Variants in ZNF451 observed in about 807,000 individuals in gnomAD.
ZNF451 encodes the protein E3 SUMO-protein ligase ZNF451.
Under a neutral mutation model 107.1 loss-of-function variants are expected in ZNF451, and 80 were observed. That is an observed-to-expected ratio of 0.75 (90% CI 0.62 to 0.90). The LOEUF (loss-of-function observed/expected upper bound fraction) is 0.90, where lower values mean the gene tolerates loss of function less well. Among genes scored for constraint, ZNF451 ranks in the 40% least tolerant of loss-of-function variants. The pLI, the probability that ZNF451 is intolerant of heterozygous loss-of-function variation, is 0.00. For synonymous variants in ZNF451, 362 were observed against 406.5 expected (o/e 0.89, Z 1.32); for missense variants, 1,107 against 1,236.2 (o/e 0.90, Z 1.57).
At chr6:57,158,786 T>C (rs1013676529) in intron 13 of ZNF451, 1 of 985,378 alleles carries the variant, frequency 1.0e-6, no homozygotes, top group African/African-American at 1.7e-5. Context: ...GTATGCTCCT[T>C]AGATGGTCTT....
intron 9 of ZNF451, among the ~76,000 whole-genome samples, chr6:57,145,927 A>C (rs1178995753): frequency 1.3e-5 from 2 of 152,194 alleles, no homozygotes; most frequent in African/African-American, 2.4e-5. Context: ...ACAGTGTATA[A>C]GTGTTCCCTT....
chr6:57,101,131 T>C, intron 3 of ZNF451: 1 of 1,550,738 alleles, frequency 6.4e-7, no homozygotes, highest in Non-Finnish European at 8.7e-7. Flanking sequence ...AGAAACTGAT[T>C]ACAAATCACC....
At position 57,147,224 on chromosome 6, in the gene ZNF451, A is replaced by T; in HGVS notation, c.1139A>T (p.His380Leu). 1 of 1,614,108 alleles carries T rather than the reference A, an allele frequency of 6.2e-7. No homozygotes were observed. Among genetic ancestry groups the T allele is most frequent in the Non-Finnish European group, 8.5e-7 (1 of 1,179,972 alleles). The change falls in exon 10 of 15, where the codon CAT becomes CTT. Residue 380 changes from histidine (H) to leucine (L), a missense_variant. Physicochemically the swap from His to Leu is moderately conservative, Grantham distance 99 (BLOSUM62 -3). This residue lies in a region of ZNF451 where 608 missense variants were observed against 649.2 expected (regional missense o/e 0.94). Coordinates refer to ENST00000370706, the MANE Select transcript of ZNF451 (RefSeq NM_001031623.3). Reference sequence around the variant, plus strand: ...GTGGATGAAACCAGCACCCAAAATCATAAGCAGAATTCAGGACACAAAGTC... The same window carrying T: ...GTGGATGAAACCAGCACCCAAAATCTTAAGCAGAATTCAGGACACAAAGTC... ...VFVDETSTQN[H>L]KQNSGHKVRV...
chr6:57,126,931 G>T (rs1238769291), intron 4 of ZNF451, among the ~76,000 whole-genome samples: 1 of 152,094 alleles, frequency 6.6e-6, no homozygotes, highest in Non-Finnish European at 1.5e-5. Flanking sequence ...ATTGGAAATT[G>T]TTAAAATAAG....
chr6:57,148,873 T>G (rs985116934), intron 10 of ZNF451, among the ~76,000 whole-genome samples, 180 bp downstream of exon 10: 12 of 152,192 alleles, frequency 7.9e-5, no homozygotes, highest in Admixed American at 3.9e-4. Context: ...TTTCTAAACT[T>G]ACGAGGACAG....
chr6:57,162,536 C>G (rs542543564), intron 14 of ZNF451, among the ~76,000 whole-genome samples: 100 of 152,284 alleles, frequency 6.6e-4, no homozygotes, highest in African/African-American at 2.4e-3. Context: ...TAGCTCAACG[C>G]TTAGCAGCCA....
intron 2 of ZNF451, among the ~76,000 whole-genome samples, chr6:57,092,316 T>G (rs1354210429): frequency 6.6e-6 from 1 of 152,208 alleles, no homozygotes. Flanking sequence ...TCACCTTTGG[T>G]TTAAAGGAGT....
rs1048159963 is a variant in ZNF451 at position 57,164,230 on chromosome 6, T to C, written c.3139+3078T>C. ...AAAAGTACAGTCTTTGGATTCATAC[T>C]GCCTAAGTTAAAACTCTGCTGCTTA... is the stretch of plus-strand genomic sequence containing the variant. On this transcript the variant is annotated intron_variant, in intron 14 of 14. Transcript: ENST00000370706. Among the ~76,000 whole-genome samples the C allele has an allele frequency of 3.9e-5, 6 of 152,372 alleles. No homozygotes were observed. The East Asian group carries it at 9.6e-4, about 24-fold the overall frequency.
intron 3 of ZNF451, among the ~76,000 whole-genome samples, chr6:57,119,109 A>T (rs1425329574): frequency 1.3e-5 from 2 of 152,244 alleles, no homozygotes; most frequent in Non-Finnish European, 2.9e-5. Context: ...GAAAGAAGTC[A>T]TACCTGCTGT....
Position 57,147,782 on chromosome 6 carries a change from TAGA to T in ZNF451, c.1700_1702del (p.Glu567del). 1 of 1,613,798 alleles carries T rather than the reference TAGA, an allele frequency of 6.2e-7. No homozygotes were observed. On this transcript the variant is annotated inframe_deletion, in exon 10 of 15. Coordinates refer to ENST00000370706, the MANE Select transcript of ZNF451 (RefSeq NM_001031623.3). The stretch of plus-strand genomic sequence containing the variant: ...AGATATTTTTATGAGATGGATGAGG[TAGA>T]AGGTGAAACTTTGCCATCATCCTCT...
At chr6:57,103,957 TTTA>T (rs1829725942) in intron 3 of ZNF451, 1 of 985,030 alleles carries the variant, frequency 1.0e-6, no homozygotes, top group South Asian at 4.7e-5. Flanking sequence ...AAGAAATTAC[TTTA>T]TCAGTTAATT....
chr6:57,104,830 A>G (rs905023694), intron 3 of ZNF451: 45 of 985,108 alleles, frequency 4.6e-5, no homozygotes, highest in Non-Finnish European at 4.9e-5. Flanking sequence ...GTCTCCAGAT[A>G]CTCTGTTTTC....
Position 57,141,460 on chromosome 6 carries a change from G to C in ZNF451, c.856+5G>C. On this transcript the variant is annotated splice_donor_5th_base_variant and intron_variant, in intron 8 of 14. Transcript: ENST00000370706. Reference sequence around the variant, plus strand: ...ATCAGAGTTTCAAACTGGGTGGTATGTTAATACTCTCTTCTGCTGAAAATT... The same window carrying C: ...ATCAGAGTTTCAAACTGGGTGGTATCTTAATACTCTCTTCTGCTGAAAATT... The C allele has an allele frequency of 6.2e-7, 1 of 1,600,712 alleles. No individual in the cohort carries two copies. The highest frequency in any genetic ancestry group is 8.5e-7 in the Non-Finnish European group (1 of 1,172,022).
chr6:57,142,163 A>C, intron 9 of ZNF451, 68 bp downstream of exon 9: 2 of 1,456,510 alleles, frequency 1.4e-6, no homozygotes, highest in Non-Finnish European at 1.8e-6. Context: ...TTCAACAAAT[A>C]CATTTTCTTT....
Position 57,148,566 on chromosome 6 carries a change from A to C in ZNF451, c.2481A>C (p.Lys827Asn). The C allele has an allele frequency of 6.2e-7, 1 of 1,614,174 alleles. No homozygotes were observed. Among genetic ancestry groups the C allele is most frequent in the South Asian group, 1.1e-5 (1 of 91,084 alleles). Residue 827 changes from lysine (K) to asparagine (N), a missense_variant, in exon 10 of 15, where the codon AAA (lysine) becomes AAC (asparagine). By Grantham distance (94) the Lys-to-Asn change is moderately conservative. Coordinates refer to ENST00000370706, the MANE Select transcript of ZNF451 (RefSeq NM_001031623.3). ...KPSVAHFGSE[K>N]SNLYKFTASA... ...GTGTGGCTCATTTTGGATCTGAAAA[A>C]TCAAACCTGTACAAGTTTACTGCTA...
Position 57,147,473 on chromosome 6 carries a change from A to T in ZNF451, c.1388A>T (p.Gln463Leu). ...DKSHEGVACV[Q>L]KEKSVVKTWF... is the part of the protein sequence containing the mutation. The stretch of plus-strand genomic sequence containing the variant: ...AGCCATGAAGGTGTTGCTTGTGTCC[A>T]GAAAGAAAAATCAGTAGTTAAAACC... The change falls in exon 10 of 15, where the codon CAG becomes CTG. Residue 463 changes from glutamine to leucine, a missense_variant. Physicochemically the swap from Gln to Leu is moderately radical, Grantham distance 113. Coordinates refer to ENST00000370706, the MANE Select transcript of ZNF451 (RefSeq NM_001031623.3). 3 of 1,614,168 alleles carry T rather than the reference A, an allele frequency of 1.9e-6. No individual in the cohort carries two copies. Among genetic ancestry groups the T allele is most frequent in the Non-Finnish European group, 2.5e-6 (3 of 1,179,992 alleles).
In ZNF451 at chr6:57,124,693, TAATTTTGTTAAAAGGAATGAA is replaced by T; in HGVS notation, c.187-34_187-14del. The T allele has an allele frequency of 7.0e-7, 1 of 1,418,936 alleles. No individual in the cohort carries two copies. The highest frequency in any genetic ancestry group is 9.9e-7 in the Non-Finnish European group (1 of 1,013,236). 87.9% of individuals were successfully genotyped at this position (1,418,936 alleles called of 1,614,324 possible). A position where few individuals can be genotyped will look rare whatever the true frequency, so the allele number is the denominator to read the frequency against. On this transcript the variant is annotated intron_variant, in intron 3 of 14. Coordinates refer to ENST00000370706, the MANE Select transcript of ZNF451 (RefSeq NM_001031623.3). ...GAATGGATGTATATTATCCAAATGCTAATTTTGTTAAAAGGAATGAAAATTTTTTTCATGTTATAGGAGAAT... is the reference window on the plus strand; with the variant it reads ...GAATGGATGTATATTATCCAAATGCTAATTTTTTTCATGTTATAGGAGAAT...
intron 14 of ZNF451, among the ~76,000 whole-genome samples, chr6:57,162,732 T>A (rs1317008597): frequency 2.0e-5 from 3 of 152,234 alleles, no homozygotes; most frequent in Non-Finnish European, 4.4e-5. Context: ...ATTATAACTT[T>A]TAAATAATTA....
chr6:57,154,193 T>TA lies in ZNF451; in HGVS notation c.3070+153dup, dbSNP rs1010655660. On this transcript the variant is annotated intron_variant, in intron 13 of 14. Transcript: ENST00000370706. ...TTACTTCTATCTTACTTATCTTTTT[T>TA]AAAAAAATCTCACTTTCATTCTTTA... 6.2e-5 allele frequency: 47 copies of TA among 753,658 alleles called. No homozygotes were observed. The East Asian group carries it at 7.5e-4, about 12-fold the overall frequency. 46.7% of individuals were successfully genotyped at this position (753,658 alleles called of 1,614,324 possible). A position where few individuals can be genotyped will look rare whatever the true frequency, so the allele number is the denominator to read the frequency against.
Sources: gnomAD v4.1 joint callset for allele counts (sites outside exome capture counted in the v4.1 genomes callset) on GRCh38, gnomAD v4.1.1 for gene constraint, gnomAD v4.1.1 regional missense constraint, MANE v1.5 for transcripts, NCBI Gene and HGNC (gene_info 2026-07-23, HGNC 2026-07-21) for gene names.